RABEP2: variants seen among roughly 807,000 people sequenced by gnomAD.
RABEP2 encodes rabaptin, RAB GTPase binding effector protein 2.
RABEP2 carries 57 observed loss-of-function variants against 74.1 expected under a neutral mutation model. That is an observed-to-expected ratio of 0.77 (90% CI 0.62 to 0.96). RABEP2 has a LOEUF of 0.96. Among genes scored for constraint, RABEP2 ranks in the 40% least tolerant of loss-of-function variants. The pLI is 0.00. For missense variants in RABEP2, 692 were observed against 756.3 expected (o/e 0.91, Z 1.00); for synonymous variants, 351 against 344.0 (o/e 1.02, Z -0.23).
intron 5 of RABEP2, among the ~76,000 whole-genome samples, chr16:28,912,309 G>A (rs1209315499): frequency 6.6e-6 from 1 of 151,126 alleles, no homozygotes; most frequent in Non-Finnish European, 1.5e-5. Context: ...CCATCCCCTG[G>A]TCCAAGGTAC....
chr16:28,920,074 C>T, intron 2 of RABEP2, 131 bp from the exon 3 acceptor site: 1 of 1,130,348 alleles, frequency 8.8e-7, no homozygotes, highest in Non-Finnish European at 1.2e-6. Flanking sequence ...CCATGGCAGG[C>T]TTTGCAGAAA....
chr16:28,921,955 A>G (rs544988652), intron 2 of RABEP2, among the ~76,000 whole-genome samples: 1 of 152,038 alleles, frequency 6.6e-6, no homozygotes, highest in South Asian at 2.1e-4. Flanking sequence ...ACTGAGCGGG[A>G]CTCCGTCTCA....
Position 28,914,451 on chromosome 16 carries a change from T to C in RABEP2, c.679A>G (p.Asn227Asp), listed in dbSNP as rs768046665. The C allele has an allele frequency of 3.1e-6, 5 of 1,613,358 alleles. No individual in the cohort carries two copies. In the African/African-American group the frequency reaches 5.3e-5, roughly 17 times the overall value. ...GGPAAEAFAHNCDDSASISSF... is the reference protein window; with the variant it reads ...GGPAAEAFAHDCDDSASISSF... ...GAGATGGAGGCGCTGTCATCGCAGT[T>C]GTGAGCGAAGGCCTCAGCGGCTGGA... The change falls in exon 5 of 13, where the codon AAC becomes GAC. Residue 227 changes from asparagine (N) to aspartate (D), a missense_variant. Transcript: ENST00000358201.
chr16:28,916,356 G>C (rs978206888), intron 3 of RABEP2: 7 of 152,056 alleles, frequency 4.6e-5, no homozygotes, highest in Admixed American at 6.6e-5. Flanking sequence ...GTCCTGAAAT[G>C]TCTACCTCTG....
chr16:28,918,210 G>C (rs1442265028), intron 3 of RABEP2, among the ~76,000 whole-genome samples: 1 of 151,664 alleles, frequency 6.6e-6, no homozygotes, highest in Non-Finnish European at 1.5e-5. Context: ...CTCCCGAGTA[G>C]CTGGGACTAC....
Position 28,925,205 on chromosome 16 carries a change from G to T in RABEP2, c.-42C>A. 2 of 1,511,082 alleles carry T rather than the reference G, an allele frequency of 1.3e-6. No individual in the cohort carries two copies. The highest frequency in any genetic ancestry group is 1.8e-6 in the Non-Finnish European group (2 of 1,135,724). 93.6% of individuals were successfully genotyped at this position (1,511,082 alleles called of 1,614,324 possible). On this transcript the variant is annotated 5_prime_UTR_variant, in exon 1 of 13. Coordinates refer to ENST00000358201, the MANE Select transcript of RABEP2 (RefSeq NM_024816.3). ...GCGGATTCCCGCACTCCCTGGTGAC[G>T]GAGCGCACCGCTTCCGGGTCCTCTC...
intron 5 of RABEP2, among the ~76,000 whole-genome samples, chr16:28,912,021 C>T (rs1184515149): frequency 3.3e-5 from 5 of 151,708 alleles, no homozygotes; most frequent in East Asian, 1.9e-4. Context: ...CCGAGGTGGG[C>T]GGATCACGAG....
intron 8 of RABEP2, among the ~76,000 whole-genome samples, chr16:28,906,407 T>C (rs932508730): frequency 6.6e-6 from 1 of 152,174 alleles, no homozygotes; most frequent in Non-Finnish European, 1.5e-5. Context: ...CACACGACCA[T>C]GCCCCACACC....
Position 28,910,872 on chromosome 16 carries a change from G to T in RABEP2, c.1089+16C>A. 2 of 1,601,376 alleles carry T rather than the reference G, an allele frequency of 1.2e-6. No individual in the cohort carries two copies. The highest frequency in any genetic ancestry group is 1.1e-5 in the South Asian group (1 of 90,226). On this transcript the variant is annotated intron_variant, in intron 7 of 12. Transcript: ENST00000358201. ...GGACTCCTCGCCCTCCTGCCCTAGG[G>T]CCCCCAGGTACTCACCATCTGCAGC...
At position 28,911,291 on chromosome 16, in the gene RABEP2, A is replaced by C. The variant is rs1019936082; in HGVS notation, c.895-112T>G. On this transcript the variant is annotated intron_variant, in intron 5 of 12. Coordinates refer to ENST00000358201, the MANE Select transcript of RABEP2 (RefSeq NM_024816.3). The stretch of plus-strand genomic sequence containing the variant: ...TGCCCTCATCCACACAGTCCGTCAA[A>C]TTACAGGCCCAGCCATCCATTCTCT... 8 of 935,804 alleles carry C rather than the reference A, an allele frequency of 8.5e-6. No homozygotes were observed. The Admixed American group carries it at 1.1e-4, about 13-fold the overall frequency. The allele number at this position is 935,804 out of a possible 1,614,324, so 58.0% of individuals were successfully genotyped here.
Position 28,911,136 on chromosome 16 carries a change from C to G in RABEP2, c.938G>C (p.Arg313Pro). 1.2e-6 allele frequency: 2 copies of G among 1,612,726 alleles called. No individual in the cohort carries two copies. Among genetic ancestry groups the G allele is most frequent in the Non-Finnish European group, 1.7e-6 (2 of 1,180,000 alleles). Residue 313 changes from arginine to proline, a missense_variant, in exon 6 of 13, where the codon CGG becomes CCG. Coordinates refer to ENST00000358201, the MANE Select transcript of RABEP2 (RefSeq NM_024816.3). ...TCTCAGGCCCTCTTGGAGCTCGTCC[C>G]GCTCGCGACTGACGCTCTCCAGGTC... ...QKDLESVSRE[R>P]DELQEGLRRS...
chr16:28,904,566 G>A lies in RABEP2; in HGVS notation c.*377C>T, dbSNP rs950719414. ...GGCAGCTGCCTGTCCCAGGGCCGGG[G>A]CCCACCTCACTGCCTCTGATGGGGA... is the stretch of plus-strand genomic sequence containing the variant. On this transcript the variant is annotated 3_prime_UTR_variant, in exon 13 of 13. Coordinates refer to ENST00000358201, the MANE Select transcript of RABEP2 (RefSeq NM_024816.3). 5 of 1,384,166 alleles carry A rather than the reference G, an allele frequency of 3.6e-6. No individual in the cohort carries two copies. The highest frequency in any genetic ancestry group is 4.8e-6 in the Non-Finnish European group (5 of 1,046,266). 85.7% of individuals were successfully genotyped at this position (1,384,166 alleles called of 1,614,324 possible).
Position 28,905,474 on chromosome 16 carries a change from C to T in RABEP2, c.1531G>A (p.Val511Met), listed in dbSNP as rs763152291. 1.2e-6 allele frequency: 2 copies of T among 1,610,260 alleles called. No individual in the cohort carries two copies. The highest frequency in any genetic ancestry group is 2.2e-5 in the South Asian group (2 of 89,882). Residue 511 changes from valine to methionine, a missense_variant, in exon 12 of 13, where the codon GTG becomes ATG. Coordinates refer to ENST00000358201, the MANE Select transcript of RABEP2 (RefSeq NM_024816.3). ...PDLLSEQRAK[V>M]LRLQAELETS... ...TCCAGCTCTGCCTGCAGCCGCAGCACCTTGGCCCTCTGTTCTGAGAGGAGG... is the reference window on the plus strand; with the variant it reads ...TCCAGCTCTGCCTGCAGCCGCAGCATCTTGGCCCTCTGTTCTGAGAGGAGG...
intron 7 of RABEP2, among the ~76,000 whole-genome samples, chr16:28,910,074 CAT>C (rs1231513179): frequency 6.7e-6 from 1 of 148,470 alleles, no homozygotes; most frequent in Non-Finnish European, 1.5e-5. Flanking sequence ...CACAAATATT[CAT>C]ATTTTTGGTT....
chr16:28,908,798 A>C, intron 7 of RABEP2, 34 bp from the exon 8 acceptor site: 1 of 1,603,996 alleles, frequency 6.2e-7, no homozygotes, highest in South Asian at 1.1e-5. Flanking sequence ...GGCAATGAAG[A>C]GGACAGGGCG....
intron 2 of RABEP2, among the ~76,000 whole-genome samples, chr16:28,920,363 G>GTTGTTA (rs1964454521): frequency 7.1e-6 from 1 of 141,618 alleles, no homozygotes; most frequent in African/African-American, 2.6e-5. Flanking sequence ...ATTTTTTTTG[G>GTTGTTA]TTATTATTAT....
intron 3 of RABEP2, chr16:28,916,207 C>A: frequency 6.6e-6 from 1 of 152,316 alleles, no homozygotes. Flanking sequence ...TCCTCCTTCT[C>A]CTCCTTTTTG....
At chr16:28,908,233 G>A (rs1018090764) in intron 8 of RABEP2, among the ~76,000 whole-genome samples, 57 of 146,078 alleles carry the variant, frequency 3.9e-4, no homozygotes, top group African/African-American at 1.4e-3. Flanking sequence ...GAGCCATCGC[G>A]CCTGGCTAAT....
At position 28,914,280 on chromosome 16, in the gene RABEP2, A is replaced by AG. The variant is rs755465923; in HGVS notation, c.849dup (p.Tyr284LeufsTer42). On this transcript the variant is annotated frameshift_variant, in exon 5 of 13. Transcript: ENST00000358201. LOFTEE classifies it high-confidence loss of function. ...CACTGAGTGTCTGGGACGAGCTGGTAGCCAGGAGGGGGCAGGTAGATGCCC... is the reference window on the plus strand; with the variant it reads ...CACTGAGTGTCTGGGACGAGCTGGTAGGCCAGGAGGGGGCAGGTAGATGCCC... 20 of 1,611,742 alleles carry AG rather than the reference A, an allele frequency of 1.2e-5. No individual in the cohort carries two copies. The African/African-American group carries it at 2.7e-4, about 22-fold the overall frequency.
Sources: allele counts gnomAD v4.1 joint callset (sites outside exome capture counted in the v4.1 genomes callset), GRCh38; gene constraint gnomAD v4.1.1; transcripts MANE v1.5; gene names NCBI Gene and HGNC (gene_info 2026-07-23, HGNC 2026-07-21).